SCARB1: variants seen among roughly 807,000 people sequenced by gnomAD.
The protein encoded by SCARB1 is scavenger receptor class B member 1.
SCARB1 carries 30 observed loss-of-function variants against 57.2 expected under a neutral mutation model. The ratio of observed to expected loss-of-function variants is 0.52; its 90% CI spans 0.39 to 0.71. SCARB1 has a LOEUF of 0.71. SCARB1 is among the 30% of genes least tolerant of loss of function. SCARB1 has a pLI of 0.00. For synonymous variants in SCARB1, 249 were observed against 268.3 expected (o/e 0.93, Z 0.70); for missense variants, 543 against 671.2 (o/e 0.81, Z 2.11).
intron 8 of SCARB1, 129 bp downstream of exon 8, chr12:124,799,995 C>T (rs1021293039): frequency 1.1e-5 from 8 of 758,722 alleles, no homozygotes; most frequent in South Asian, 2.9e-5. Context: ...TTTGGTGGCT[C>T]GAGATTCTAG....
chr12:124,829,570 C>T lies in SCARB1; in HGVS notation c.127-11863G>A, dbSNP rs374476646. Among the ~76,000 whole-genome samples, 20 of 152,360 alleles carry T rather than the reference C, an allele frequency of 1.3e-4. No individual in the cohort carries two copies. In the South Asian group the frequency reaches 3.9e-3, roughly 30 times the overall value. On this transcript the variant is annotated intron_variant, in intron 1 of 12. Coordinates refer to ENST00000261693, the MANE Select transcript of SCARB1 (RefSeq NM_005505.5). ...TGCCTCGCTCACTCTGCTCCAGCCA[C>T]ACTGGCCTTGCTGTGCTCCTGAGCC...
chr12:124,803,903 G>GA (rs1950232827), intron 7 of SCARB1, among the ~76,000 whole-genome samples: 1 of 152,102 alleles, frequency 6.6e-6, no homozygotes, highest in East Asian at 1.9e-4. Flanking sequence ...ATAAATATAA[G>GA]AAAAAACTCT....
In SCARB1 at chr12:124,854,457, T is replaced by C. The variant is rs548815800; in HGVS notation, c.126+9138A>G. On this transcript the variant is annotated intron_variant, in intron 1 of 12. Transcript: ENST00000261693. The stretch of plus-strand genomic sequence containing the variant: ...ATGTCAGGGCTTTGAGGGGAGGAGG[T>C]GCTAAGTGCAATCTTGATGGGCTCC... 4.8e-4 allele frequency among the ~76,000 whole-genome samples: 72 copies of C among 151,556 alleles called. 5 individuals are homozygous for C. Among genetic ancestry groups the C allele is most frequent in the African/African-American group, 1.7e-3 (71 of 41,278 alleles).
chr12:124,794,262 G>A (rs1949846223), intron 9 of SCARB1, among the ~76,000 whole-genome samples: 2 of 151,746 alleles, frequency 1.3e-5, no homozygotes, highest in Admixed American at 1.3e-4. Context: ...ACTGAATTGT[G>A]CATTTTATTA....
intron 1 of SCARB1, among the ~76,000 whole-genome samples, chr12:124,820,102 T>C (rs1950890173): frequency 6.6e-6 from 1 of 152,182 alleles, no homozygotes; most frequent in South Asian, 2.1e-4. Context: ...CCTACCCAGC[T>C]GCCAGCACCA....
intron 1 of SCARB1, among the ~76,000 whole-genome samples, chr12:124,836,571 T>A (rs557041948): frequency 1.3e-3 from 201 of 152,262 alleles, no homozygotes; most frequent in Admixed American, 2.9e-3. Context: ...GGCAGGAGGA[T>A]CACTGGAGCC....
chr12:124,839,730 A>AAT (rs1181647709), intron 1 of SCARB1: 1 of 73,038 alleles, frequency 1.4e-5, no homozygotes, highest in African/African-American at 6.1e-5. Flanking sequence ...CCCTCACCCC[A>AAT]ACGGCACACA....
chr12:124,804,281 G>A (rs1950249407), intron 7 of SCARB1, among the ~76,000 whole-genome samples: 1 of 152,194 alleles, frequency 6.6e-6, no homozygotes, highest in Non-Finnish European at 1.5e-5. Flanking sequence ...TGCAGGACTC[G>A]GAGCTGGGCG....
chr12:124,826,056 G>A (rs1335845816), intron 1 of SCARB1, among the ~76,000 whole-genome samples: 12 of 151,760 alleles, frequency 7.9e-5, no homozygotes. Flanking sequence ...AAACAAAGAG[G>A]TGGCCGGGAC....
Position 124,791,129 on chromosome 12 carries a change from A to C in SCARB1, c.1203-3672T>G, listed in dbSNP as rs1949713898. Among the ~76,000 whole-genome samples the C allele has an allele frequency of 2.0e-5, 3 of 152,188 alleles. 1 individual carries two copies. In the South Asian group the frequency reaches 6.2e-4, roughly 31 times the overall value. On this transcript the variant is annotated intron_variant, in intron 9 of 12. Transcript: ENST00000261693. ...CAGATGACATGTCACGTGGGTTGTC[A>C]CAACTCCTTGCAGCAAGAATTGGGT...
At chr12:124,859,255 T>C (rs556989199) in intron 1 of SCARB1, among the ~76,000 whole-genome samples, 2 of 151,428 alleles carry the variant, frequency 1.3e-5, no homozygotes, top group East Asian at 3.9e-4. Flanking sequence ...TGGCCGGGCA[T>C]GGTGGCTCAC....
chr12:124,782,640 A>G lies in SCARB1; in HGVS notation c.*43T>C, dbSNP rs200202487. 1.1e-5 allele frequency: 18 copies of G among 1,602,934 alleles called. No individual in the cohort carries two copies. In the African/African-American group the frequency reaches 2.1e-4, roughly 19 times the overall value. On this transcript the variant is annotated intron_variant, in intron 12 of 12. Transcript: ENST00000261693. ...TTAAGCCGCCAGCATTCTACTTGATATGGGAGGGGGCGGGGAGGCGCACGG... is the reference window on the plus strand; with the variant it reads ...TTAAGCCGCCAGCATTCTACTTGATGTGGGAGGGGGCGGGGAGGCGCACGG...
At chr12:124,844,794 G>T (rs1359345070) in intron 1 of SCARB1, among the ~76,000 whole-genome samples, 1 of 151,374 alleles carries the variant, frequency 6.6e-6, no homozygotes, top group East Asian at 2.0e-4. Flanking sequence ...ACCTGTTATG[G>T]ACATTTTTTT....
At chr12:124,780,478 TCAGAA>T (rs1873232646) in intron 12 of SCARB1, among the ~76,000 whole-genome samples, 1 of 152,128 alleles carries the variant, frequency 6.6e-6, no homozygotes, top group Non-Finnish European at 1.5e-5. Context: ...GGCCTGAGAC[TCAGAA>T]CAGGACCCAA....
intron 1 of SCARB1, among the ~76,000 whole-genome samples, chr12:124,833,279 T>A (rs1331288163): frequency 6.6e-6 from 1 of 151,208 alleles, no homozygotes; most frequent in Non-Finnish European, 1.5e-5. Flanking sequence ...AGCCTCGAAC[T>A]CCCGGGCTGA....
Position 124,825,466 on chromosome 12 carries a change from T to C in SCARB1, c.127-7759A>G, listed in dbSNP as rs563761415. 1.5e-3 allele frequency among the ~76,000 whole-genome samples: 232 copies of C among 151,954 alleles called. 1 individual carries two copies. Among genetic ancestry groups the C allele is most frequent in the Non-Finnish European group, 6.3e-4 (43 of 67,954 alleles). ...CGGGTGGATCACTTGAGGTCAGGAGTTCCAGACCAGCCGGGCCAACATGGT... is the reference window on the plus strand; with the variant it reads ...CGGGTGGATCACTTGAGGTCAGGAGCTCCAGACCAGCCGGGCCAACATGGT... On this transcript the variant is annotated intron_variant, in intron 1 of 12. Coordinates refer to ENST00000261693, the MANE Select transcript of SCARB1 (RefSeq NM_005505.5).
chr12:124,835,498 T>C (rs1951609644), intron 1 of SCARB1, among the ~76,000 whole-genome samples: 1 of 152,148 alleles, frequency 6.6e-6, no homozygotes, highest in Admixed American at 6.6e-5. Flanking sequence ...CTGAAACTCC[T>C]GGCCTAAACC....
chr12:124,838,068 T>C lies in SCARB1; in HGVS notation c.127-20361A>G, dbSNP rs191554624. ...TGTGTCGTCAATGGCAGCCTCAGCA[T>C]CACAGCAGCAGGGCTGAGTAGCTGA... On this transcript the variant is annotated intron_variant, in intron 1 of 12. Coordinates refer to ENST00000261693, the MANE Select transcript of SCARB1 (RefSeq NM_005505.5). 2.3e-3 allele frequency among the ~76,000 whole-genome samples: 349 copies of C among 152,358 alleles called. 2 individuals carry two copies. The highest frequency in any genetic ancestry group is 8.2e-3 in the African/African-American group (339 of 41,588).
intron 1 of SCARB1, among the ~76,000 whole-genome samples, chr12:124,832,841 A>G (rs1951459777): frequency 6.6e-6 from 1 of 152,122 alleles, no homozygotes; most frequent in South Asian, 2.1e-4. Context: ...TTAGCTTCCC[A>G]CTGCTGCTGT....
Sources: gnomAD v4.1 joint callset for allele counts (sites outside exome capture counted in the v4.1 genomes callset) on GRCh38, gnomAD v4.1.1 for gene constraint, MANE v1.5 for transcripts, NCBI Gene and HGNC (gene_info 2026-07-23, HGNC 2026-07-21) for gene names.